P2RX1: variants seen among roughly 807,000 people sequenced by gnomAD.
The protein encoded by P2RX1 is P2X purinoceptor 1.
In P2RX1, 42 loss-of-function variants were observed where a neutral mutation model predicts 50.3. The observed-to-expected ratio is 0.83, with a 90% CI of 0.65 to 1.08. P2RX1 has a LOEUF of 1.08. Among genes scored for constraint, P2RX1 ranks in the 50% least tolerant of loss-of-function variants. The probability of loss-of-function intolerance (pLI) is 0.00; values close to 1 mark genes in which losing one functional copy is unlikely to be tolerated. For missense variants in P2RX1, 449 were observed against 529.0 expected (o/e 0.85, Z 1.48); for synonymous variants, 199 against 202.6 (o/e 0.98, Z 0.15).
intron 8 of P2RX1, 103 bp downstream of exon 8, chr17:3,899,531 C>G (rs2056096670): frequency 1.3e-6 from 2 of 1,497,986 alleles, no homozygotes; most frequent in East Asian, 4.7e-5. Flanking sequence ...CCAGGACCCT[C>G]TGCTCCCCTC....
chr17:3,910,911 G>A (rs1271323425), intron 1 of P2RX1, among the ~76,000 whole-genome samples: 1 of 152,236 alleles, frequency 6.6e-6, no homozygotes, highest in Non-Finnish European at 1.5e-5. Flanking sequence ...AACACTGTGT[G>A]TTGAATGACT....
Position 3,905,332 on chromosome 17 carries a change from G to A in P2RX1, c.173C>T (p.Ser58Leu), listed in dbSNP as rs551235078. 1.2e-5 allele frequency: 20 copies of A among 1,613,906 alleles called. No homozygotes were observed. Among genetic ancestry groups the A allele is most frequent in the Admixed American group, 5.0e-5 (3 of 60,028 alleles). The change falls in exon 2 of 12, where the codon TCG becomes TTG. Residue 58 changes from serine (S) to leucine (L), a missense_variant. Transcript: ENST00000225538. ...VFLYEKGYQT[S>L]SGLISSVSVK... ...AGAGACACTGCTGATGAGGCCGCTC[G>A]AGGTCTGGTAGCCCTTCTCATAGAG...
intron 7 of P2RX1, among the ~76,000 whole-genome samples, chr17:3,900,243 A>G (rs1005238466): frequency 2.0e-5 from 3 of 152,292 alleles, no homozygotes; most frequent in African/African-American, 7.2e-5. Flanking sequence ...ACTTGAGATC[A>G]GGAGTTCGAG....
intron 1 of P2RX1, among the ~76,000 whole-genome samples, chr17:3,909,666 G>A (rs1306840175): frequency 6.6e-6 from 1 of 152,150 alleles, no homozygotes; most frequent in Non-Finnish European, 1.5e-5. Context: ...GGGCAACATA[G>A]TAACACGCTG....
rs993950377 is a variant in P2RX1, at chr17:3,914,041, CAGCCTGAGCAGGAGCTGGA to C, written c.137+2029_137+2047del. ...AGGGCGCAAGAGACAGCAGGCACCA[CAGCCTGAGCAGGAGCTGGA>C]AGCCTGGGCCTGCAGCCCTGGGGGT... On this transcript the variant is annotated intron_variant, in intron 1 of 11. Coordinates refer to ENST00000225538, the MANE Select transcript of P2RX1 (RefSeq NM_002558.4). The surrounding 1 kb of genome is among the most constrained non-coding windows in gnomAD (Gnocchi z 4.1). 2.0e-4 allele frequency among the ~76,000 whole-genome samples: 31 copies of C among 152,322 alleles called. No individual in the cohort carries two copies. The highest frequency in any genetic ancestry group is 7.5e-4 in the African/African-American group (31 of 41,572).
At chr17:3,909,065 C>G (rs1206565669) in intron 1 of P2RX1, among the ~76,000 whole-genome samples, 1 of 151,950 alleles carries the variant, frequency 6.6e-6, no homozygotes, top group African/African-American at 2.4e-5. Context: ...GAGTCTCAGT[C>G]TGTTGCCCAG....
At chr17:3,904,704 C>T (rs2056226125) in intron 3 of P2RX1, 154 bp downstream of exon 3, 2 of 673,798 alleles carry the variant, frequency 3.0e-6, no homozygotes. Flanking sequence ...CAAGGGTTGA[C>T]AGTTGCTGTG....
rs1386633918 is a variant in P2RX1, at chr17:3,903,776, G to A, written c.525-145C>T. 1.2e-5 allele frequency: 13 copies of A among 1,108,164 alleles called. No homozygotes were observed. Among genetic ancestry groups the A allele is most frequent in the South Asian group, 5.1e-5 (4 of 79,034 alleles). The allele number at this position is 1,108,164 out of a possible 1,614,324, so 68.6% of individuals were successfully genotyped here. On this transcript the variant is annotated intron_variant, in intron 5 of 11. Coordinates refer to ENST00000225538, the MANE Select transcript of P2RX1 (RefSeq NM_002558.4). The surrounding 1 kb of genome is among the most constrained non-coding windows in gnomAD (Gnocchi z 4.6). Reference sequence around the variant, plus strand: ...GGTGGAGGGGTGGGTGTGCTCTAGCGTGGCCAGGACCCAGGGGAATCTTCA... The same window carrying A: ...GGTGGAGGGGTGGGTGTGCTCTAGCATGGCCAGGACCCAGGGGAATCTTCA...
chr17:3,903,535 C>G lies in P2RX1; in HGVS notation c.605+16G>C, dbSNP rs752783200. ...CCGGCCAGCTGCCTGCATTTCTGCC[C>G]GAATTTCCCACGCACCTGTTGACCT... On this transcript the variant is annotated intron_variant, in intron 6 of 11. Coordinates refer to ENST00000225538, the MANE Select transcript of P2RX1 (RefSeq NM_002558.4). This position sits in a 1 kb window ranked among gnomAD's most constrained non-coding sequence, Gnocchi z 4.6. The G allele has an allele frequency of 2.0e-5, 33 of 1,613,616 alleles. No individual in the cohort carries two copies. In the East Asian group the frequency reaches 6.9e-4, roughly 34 times the overall value.
rs2056206395 is a variant in P2RX1 at position 3,903,970 on chromosome 17, A to G, written c.482T>C (p.Ile161Thr). 1 of 1,613,934 alleles carries G rather than the reference A, an allele frequency of 6.2e-7. No individual in the cohort carries two copies. Residue 161 changes from isoleucine to threonine, a missense_variant, in exon 5 of 12, where the codon ATC (isoleucine) becomes ACC (threonine). By Grantham distance (89) the Ile-to-Thr change is moderately conservative. Transcript: ENST00000225538. This position sits in a 1 kb window ranked among gnomAD's most constrained non-coding sequence, Gnocchi z 4.6. ...AFNDTVKTCE[I>T]FGWCPVEVDD... Reference sequence around the variant, plus strand: ...CACCTCCACGGGGCACCAGCCAAAGATCTCACACGTCTTCACAGTGTCGTT... The same window carrying G: ...CACCTCCACGGGGCACCAGCCAAAGGTCTCACACGTCTTCACAGTGTCGTT...
Position 3,913,778 on chromosome 17 carries a change from T to A in P2RX1, c.137+2311A>T, listed in dbSNP as rs572457887. Among the ~76,000 whole-genome samples the A allele has an allele frequency of 2.6e-3, 396 of 152,192 alleles. 3 individuals are homozygous for A. Among genetic ancestry groups the A allele is most frequent in the Non-Finnish European group, 2.2e-3 (147 of 68,018 alleles). On this transcript the variant is annotated intron_variant, in intron 1 of 11. Transcript: ENST00000225538. ...GGCTCTTCTCTCATGCTCCTTTCCA[T>A]CCCCTGGCAGTGCCCACAGGATCAG... is the stretch of plus-strand genomic sequence containing the variant.
intron 3 of P2RX1, chr17:3,904,610 A>G (rs897132862): frequency 3.8e-5 from 24 of 632,074 alleles, no homozygotes; most frequent in African/African-American, 3.5e-4. Flanking sequence ...CCCACTGCCA[A>G]TGTCAGCTGG....
intron 1 of P2RX1, among the ~76,000 whole-genome samples, chr17:3,911,860 C>G (rs1453319087): frequency 1.3e-5 from 2 of 152,206 alleles, no homozygotes; most frequent in African/African-American, 4.8e-5. Context: ...GGCACGCAAC[C>G]AGGCTCCTCC....
intron 7 of P2RX1, among the ~76,000 whole-genome samples, chr17:3,902,807 C>G (rs2056175362): frequency 6.6e-6 from 1 of 151,974 alleles, no homozygotes. Context: ...GGAGATTTCA[C>G]CATGTTGGCC....
intron 1 of P2RX1, among the ~76,000 whole-genome samples, chr17:3,906,577 A>G (rs534150483): frequency 6.6e-6 from 1 of 152,362 alleles, no homozygotes; most frequent in East Asian, 1.9e-4. Flanking sequence ...GACAGCGAGG[A>G]AAACAGAGCA....
intron 1 of P2RX1, among the ~76,000 whole-genome samples, chr17:3,910,042 T>C (rs1190453117): frequency 1.3e-5 from 2 of 148,704 alleles, no homozygotes; most frequent in Non-Finnish European, 3.0e-5. Context: ...TGAGGCGATC[T>C]AGGCTCACTG....
At position 3,910,782 on chromosome 17, in the gene P2RX1, G is replaced by A. The variant is rs567832961; in HGVS notation, c.137+5307C>T. ...CCACCCTGAGGCCCCCATGCAACCC[G>A]CAGACAAGTCGAGGGGCATCTGGGT... On this transcript the variant is annotated intron_variant, in intron 1 of 11. Coordinates refer to ENST00000225538, the MANE Select transcript of P2RX1 (RefSeq NM_002558.4). 5.3e-5 allele frequency among the ~76,000 whole-genome samples: 8 copies of A among 152,308 alleles called. No individual in the cohort carries two copies. In the South Asian group the frequency reaches 1.0e-3, roughly 20 times the overall value.
chr17:3,904,158 C>CA (rs2056211698), intron 4 of P2RX1, 134 bp from the exon 5 acceptor site: 1 of 1,007,982 alleles, frequency 9.9e-7, no homozygotes, highest in Non-Finnish European at 1.5e-6. Flanking sequence ...GGGTCCCGGA[C>CA]GGGCAGGCCA....
At chr17:3,915,730 C>T (rs1210788236) in intron 1 of P2RX1, 13 of 482,724 alleles carry the variant, frequency 2.7e-5, no homozygotes, top group East Asian at 1.2e-4. Flanking sequence ...GTGTCAGTGG[C>T]GGCCTGGTTT....
Sources: gnomAD v4.1 joint callset for allele counts (sites outside exome capture counted in the v4.1 genomes callset) on GRCh38, gnomAD v4.1.1 for gene constraint, Gnocchi (gnomAD v3.1) non-coding constraint, MANE v1.5 for transcripts, NCBI Gene and HGNC (gene_info 2026-07-23, HGNC 2026-07-21) for gene names.